SPARCL1: variants seen among roughly 807,000 people sequenced by gnomAD.
The protein encoded by SPARCL1 is SPARC like 1, also known as SPARC-like protein 1.
In SPARCL1, 52 loss-of-function variants were observed where a neutral mutation model predicts 67.1. The observed-to-expected ratio is 0.78, with a 90% CI of 0.62 to 0.98. SPARCL1 has a LOEUF of 0.98. SPARCL1 is among the 50% of genes least tolerant of loss of function. SPARCL1 has a pLI of 0.00. For missense variants in SPARCL1, 717 were observed against 782.4 expected, an observed-to-expected ratio of 0.92 and a Z score of 1.00; for synonymous variants, 226 against 267.8, an observed-to-expected ratio of 0.84 and a Z score of 1.52.
intron 8 of SPARCL1, among the ~76,000 whole-genome samples, chr4:87,481,142 T>C (rs186671480): frequency 1.5e-4 from 23 of 152,276 alleles, no homozygotes; most frequent in African/African-American, 5.5e-4. Flanking sequence ...TTTCACTGAG[T>C]AATTGGAAGC....
At chr4:87,483,750 T>G (rs1197122834) in intron 7 of SPARCL1, among the ~76,000 whole-genome samples, 1 of 152,214 alleles carries the variant, frequency 6.6e-6, no homozygotes, top group African/African-American at 2.4e-5. Context: ...GTATCTGTTG[T>G]TTCCTGACTT....
chr4:87,491,676 C>A lies in SPARCL1; in HGVS notation c.1233G>T (p.Glu411Asp), dbSNP rs1455354052. The A allele has an allele frequency of 5.6e-6, 9 of 1,613,228 alleles. No homozygotes were observed. The highest frequency in any genetic ancestry group is 6.8e-6 in the Non-Finnish European group (8 of 1,179,400). The change falls in exon 5 of 11, where the codon GAG (glutamate) becomes GAT (aspartate). Residue 411 changes from glutamate to aspartate, a missense_variant. Transcript: ENST00000282470. Reference sequence around the variant, plus strand: ...ACGTTTCCTCCTCATTTGATGAGTTCTCTGCTTTCTTGGCCTTTAGAATAA... The same window carrying A: ...ACGTTTCCTCCTCATTTGATGAGTTATCTGCTTTCTTGGCCTTTAGAATAA... ...PGEHQEAKKAENSSNEEETSS... is the reference protein window; with the variant it reads ...PGEHQEAKKADNSSNEEETSS...
At position 87,494,495 on chromosome 4, in the gene SPARCL1, T is replaced by TC; in HGVS notation, c.304dup (p.Asp102GlyfsTer3). On this transcript the variant is annotated frameshift_variant, in exon 4 of 11. Coordinates refer to ENST00000282470, the MANE Select transcript of SPARCL1 (RefSeq NM_004684.6). LOFTEE classifies it high-confidence loss of function. ...ATTCACACTTAAGTGACCATCACTG[T>TC]CCTCTTGATCCTTCAATCCCAGCTC... 6.2e-7 allele frequency: 1 copy of TC among 1,614,118 alleles called. No homozygotes were observed. The highest frequency in any genetic ancestry group is 2.2e-5 in the East Asian group (1 of 44,874).
chr4:87,504,625 C>G (rs1049795759), intron 1 of SPARCL1, among the ~76,000 whole-genome samples: 1 of 152,122 alleles, frequency 6.6e-6, no homozygotes, highest in African/African-American at 2.4e-5. Flanking sequence ...TCCTGGCTCC[C>G]ACTCCAGCTT....
intron 1 of SPARCL1, among the ~76,000 whole-genome samples, chr4:87,512,171 T>C (rs1725392464): frequency 6.6e-6 from 1 of 152,096 alleles, no homozygotes; most frequent in African/African-American, 2.4e-5. Flanking sequence ...TTTCACCATG[T>C]TGGTCAGGCT....
At chr4:87,497,323 T>G in intron 2 of SPARCL1, 1 of 581,702 alleles carries the variant, frequency 1.7e-6, no homozygotes, top group Non-Finnish European at 2.2e-6. Context: ...GCCACTTTGG[T>G]AAGCTGCCAG....
chr4:87,479,624 T>G, intron 9 of SPARCL1, 46 bp from the exon 10 acceptor site: 1 of 1,596,188 alleles, frequency 6.3e-7, no homozygotes, highest in East Asian at 2.2e-5. Context: ...AGCTTGTGCA[T>G]GAAGATTTAA....
At chr4:87,497,553 A>T (rs1724671758) in intron 2 of SPARCL1, among the ~76,000 whole-genome samples, 1 of 152,222 alleles carries the variant, frequency 6.6e-6, no homozygotes, top group African/African-American at 2.4e-5. Flanking sequence ...TCTATTTGGA[A>T]TCTCCCAACT....
intron 1 of SPARCL1, among the ~76,000 whole-genome samples, chr4:87,524,337 G>C (rs1418275750): frequency 2.0e-5 from 3 of 152,082 alleles, no homozygotes; most frequent in African/African-American, 7.2e-5. Context: ...AGTTCAAAAA[G>C]GCCATTCATG....
At chr4:87,504,514 C>G (rs1156726475) in intron 1 of SPARCL1, among the ~76,000 whole-genome samples, 9 of 151,952 alleles carry the variant, frequency 5.9e-5, no homozygotes, top group African/African-American at 2.2e-4. Flanking sequence ...TACAACAACC[C>G]CAGGATGTGG....
At chr4:87,499,380 T>C (rs1183858487) in intron 2 of SPARCL1, 141 bp downstream of exon 2, 2 of 785,108 alleles carry the variant, frequency 2.5e-6, no homozygotes, top group East Asian at 5.7e-5. Flanking sequence ...GTTATTTGTT[T>C]GTTACTTGGG....
intron 1 of SPARCL1, among the ~76,000 whole-genome samples, chr4:87,502,639 C>T (rs538456650): frequency 5.9e-5 from 9 of 151,732 alleles, no homozygotes; most frequent in African/African-American, 2.2e-4. Flanking sequence ...ATTTCCTCTG[C>T]ACCCTGCAGT....
chr4:87,521,353 G>A (rs1725810560), intron 1 of SPARCL1, among the ~76,000 whole-genome samples: 1 of 152,052 alleles, frequency 6.6e-6, no homozygotes, highest in Non-Finnish European at 1.5e-5. Context: ...TTAATAAGCT[G>A]TCTGAACACT....
In SPARCL1 at chr4:87,492,883, T is replaced by A. The variant is rs1724412515; in HGVS notation, c.1218+699A>T. On this transcript the variant is annotated intron_variant, in intron 4 of 10. Coordinates refer to ENST00000282470, the MANE Select transcript of SPARCL1 (RefSeq NM_004684.6). Reference sequence around the variant, plus strand: ...TAGTTTCCAGATTATCATTTTGGTATGTGTTTGCTTAATAAAGTAGGACCT... The same window carrying A: ...TAGTTTCCAGATTATCATTTTGGTAAGTGTTTGCTTAATAAAGTAGGACCT... Among the ~76,000 whole-genome samples the A allele has an allele frequency of 2.0e-5, 3 of 152,342 alleles. No homozygotes were observed. In the South Asian group the frequency reaches 6.2e-4, roughly 32 times the overall value.
Position 87,482,550 on chromosome 4 carries a change from A to G in SPARCL1, c.1542T>C (p.Thr514=). The G allele has an allele frequency of 6.2e-7, 1 of 1,613,978 alleles. No homozygotes were observed. Among genetic ancestry groups the G allele is most frequent in the Non-Finnish European group, 8.5e-7 (1 of 1,179,882 alleles). ...DYFGACKSIP[T]CTDFEVIQFP... is the part of the protein sequence containing the mutation. ...ACTGAATCACTTCAAAGTCCGTACA[A>G]GTAGGAATAGCTGTTACAAGCAGAA... The change falls in exon 8 of 11, where the codon ACT becomes ACC. Residue 514 remains threonine, a synonymous_variant. Coordinates refer to ENST00000282470, the MANE Select transcript of SPARCL1 (RefSeq NM_004684.6).
rs112577256 is a variant in SPARCL1 at position 87,490,870 on chromosome 4, T to C, written c.1300A>G (p.Met434Val). ...NMRVHAVDSC[M>V]SFQCKRGHIC... The stretch of plus-strand genomic sequence containing the variant: ...TGGCCTCTTTTACACTGGAAGCTCA[T>C]GCAAGAATCTAACAGAAAAGATTGG... The change falls in exon 6 of 11, where the codon ATG (methionine) becomes GTG (valine). Residue 434 changes from methionine (M) to valine (V), a missense_variant. Transcript: ENST00000282470. 3 of 1,579,520 alleles carry C rather than the reference T, an allele frequency of 1.9e-6. No individual in the cohort carries two copies. Among genetic ancestry groups the C allele is most frequent in the Non-Finnish European group, 1.7e-6 (2 of 1,157,702 alleles).
intron 7 of SPARCL1, 39 bp downstream of exon 7, chr4:87,490,234 T>C (rs921176905): frequency 4.2e-5 from 67 of 1,580,396 alleles, no homozygotes; most frequent in Non-Finnish European, 5.2e-5. Context: ...CCCCAAGCCC[T>C]CTCAGAGATG....
chr4:87,513,593 A>T (rs909184721), intron 1 of SPARCL1, among the ~76,000 whole-genome samples: 1 of 152,030 alleles, frequency 6.6e-6, no homozygotes, highest in East Asian at 1.9e-4. Flanking sequence ...TTACACATGC[A>T]AATGATTATT....
Position 87,473,744 on chromosome 4 carries a change from GCTGGAAAGTTGAGTT to G in SPARCL1, c.*16_*30del. The G allele has an allele frequency of 6.4e-7, 1 of 1,565,572 alleles. No homozygotes were observed. Among genetic ancestry groups the G allele is most frequent in the Non-Finnish European group, 8.8e-7 (1 of 1,138,862 alleles). Reference sequence around the variant, plus strand: ...TGAAGTGGTTAGAACAGAGGAGGATGCTGGAAAGTTGAGTTCTTTAAAATCTTCGTTCAAAACAAG... The same window carrying G: ...TGAAGTGGTTAGAACAGAGGAGGATGCTTTAAAATCTTCGTTCAAAACAAG... On this transcript the variant is annotated 3_prime_UTR_variant, in exon 11 of 11. Transcript: ENST00000282470.
Sources: allele counts gnomAD v4.1 joint callset (sites outside exome capture counted in the v4.1 genomes callset), GRCh38; gene constraint gnomAD v4.1.1; transcripts MANE v1.5; gene names NCBI Gene and HGNC (gene_info 2026-07-23, HGNC 2026-07-21).